Variants in MBOAT1 observed in about 807,000 individuals in gnomAD.
The protein encoded by MBOAT1 is membrane bound glycerophospholipid O-acyltransferase 1, also known as membrane-bound glycerophospholipid O-acyltransferase 1.
Under a neutral mutation model 64.4 loss-of-function variants are expected in MBOAT1, and 67 were observed. That is an observed-to-expected ratio of 1.04 (90% CI 0.85 to 1.27). The LOEUF (loss-of-function observed/expected upper bound fraction) is 1.27. MBOAT1 is among the 50% of genes most tolerant of loss of function. The pLI, the probability that MBOAT1 is intolerant of heterozygous loss-of-function variation, is 0.00. For synonymous variants in MBOAT1, 229 were observed against 218.9 expected (o/e 1.05, Z -0.41); for missense variants, 563 against 604.6 (o/e 0.93, Z 0.72).
intron 8 of MBOAT1, 151 bp downstream of exon 8, chr6:20,124,257 A>T: frequency 1.5e-6 from 1 of 664,628 alleles, no homozygotes; most frequent in Non-Finnish European, 2.5e-6. Context: ...GAGGAGTGCT[A>T]TGTTGGTACG....
chr6:20,205,952 C>T lies in MBOAT1; in HGVS notation c.99+6184G>A, dbSNP rs142054232. Among the ~76,000 whole-genome samples, 216 of 152,234 alleles carry T rather than the reference C, an allele frequency of 1.4e-3. 1 individual carries two copies. Among genetic ancestry groups the T allele is most frequent in the Non-Finnish European group, 1.8e-3 (119 of 67,994 alleles). ...CCAACTCCTCCCCAACCCTCACTCG[C>T]GGCTCGCAAGCTCCACTTCTCAACT... On this transcript the variant is annotated intron_variant, in intron 1 of 12. Coordinates refer to ENST00000324607, the MANE Select transcript of MBOAT1 (RefSeq NM_001080480.3).
intron 1 of MBOAT1, among the ~76,000 whole-genome samples, chr6:20,163,618 C>A (rs1399599358): frequency 6.6e-6 from 1 of 152,146 alleles, no homozygotes; most frequent in Non-Finnish European, 1.5e-5. Context: ...TCAGGCACAA[C>A]CTTCTCGCAT....
At chr6:20,185,059 G>A (rs1762612668) in intron 1 of MBOAT1, among the ~76,000 whole-genome samples, 1 of 151,956 alleles carries the variant, frequency 6.6e-6, no homozygotes, top group Non-Finnish European at 1.5e-5. Context: ...AGATCAGCCT[G>A]GGTAGCATAG....
chr6:20,121,002 G>T (rs776070851), intron 8 of MBOAT1, among the ~76,000 whole-genome samples: 3 of 152,192 alleles, frequency 2.0e-5, no homozygotes, highest in Non-Finnish European at 4.4e-5. Flanking sequence ...GGACTATGTG[G>T]TCCTCAGAAA....
intron 1 of MBOAT1, among the ~76,000 whole-genome samples, chr6:20,189,100 C>G (rs987845806): frequency 6.6e-6 from 1 of 152,108 alleles, no homozygotes; most frequent in Non-Finnish European, 1.5e-5. Flanking sequence ...TGGTGATCAC[C>G]TTTTCAGAAT....
At chr6:20,168,635 A>AGAGGAGAGGAGAGGAGAGGAGAGGAGAG (rs1762095820) in intron 1 of MBOAT1, among the ~76,000 whole-genome samples, 2 of 52,320 alleles carry the variant, frequency 3.8e-5, no homozygotes, top group African/African-American at 6.0e-5. Flanking sequence ...AGAGAAGAGA[A>AGAGGAGAGGAGAGGAGAGGAGAGGAGAG]GAGAAGAGAG....
At chr6:20,186,112 G>C (rs1049503140) in intron 1 of MBOAT1, among the ~76,000 whole-genome samples, 16 of 152,192 alleles carry the variant, frequency 1.1e-4, no homozygotes, top group African/African-American at 3.1e-4. Context: ...GAGCCTAGGA[G>C]CTTGAGGCTG....
At chr6:20,168,502 A>AGAGAGAGAAGAGAG (rs1762076962) in intron 1 of MBOAT1, among the ~76,000 whole-genome samples, 1 of 92,838 alleles carries the variant, frequency 1.1e-5, no homozygotes, top group African/African-American at 5.6e-5. Flanking sequence ...AGAGAGAGAG[A>AGAGAGAGAAGAGAG]GAGAGGAGAG....
At chr6:20,156,130 G>A (rs1179056861) in intron 1 of MBOAT1, among the ~76,000 whole-genome samples, 1 of 151,992 alleles carries the variant, frequency 6.6e-6, no homozygotes, top group Non-Finnish European at 1.5e-5. Context: ...AATTAGCCGG[G>A]CGTGGTGGTG....
chr6:20,143,138 G>A (rs991435085), intron 4 of MBOAT1, among the ~76,000 whole-genome samples: 1 of 152,198 alleles, frequency 6.6e-6, no homozygotes, highest in Non-Finnish European at 1.5e-5. Flanking sequence ...CAGGCTGCCT[G>A]CAGAGAACAC....
chr6:20,152,331 AAAAAAAATAAAAAAT>A (rs1156261437), intron 2 of MBOAT1, among the ~76,000 whole-genome samples: 1 of 128,686 alleles, frequency 7.8e-6, no homozygotes, highest in African/African-American at 3.2e-5. Flanking sequence ...CGTCTCAAAA[AAAAAAAATAAAAAAT>A]AAATAAATAA....
intron 1 of MBOAT1, among the ~76,000 whole-genome samples, chr6:20,189,838 T>A (rs1436596363): frequency 6.6e-6 from 1 of 152,164 alleles, no homozygotes; most frequent in East Asian, 1.9e-4. Flanking sequence ...CCCAGGTTCA[T>A]CCATGTTGTA....
chr6:20,147,471 C>A (rs1761360306), intron 3 of MBOAT1, among the ~76,000 whole-genome samples: 1 of 152,186 alleles, frequency 6.6e-6, no homozygotes, highest in Non-Finnish European at 1.5e-5. Flanking sequence ...GAAACCCTGT[C>A]TCTACTAAAA....
intron 1 of MBOAT1, among the ~76,000 whole-genome samples, chr6:20,166,171 T>C (rs913111122): frequency 1.3e-5 from 2 of 152,216 alleles, no homozygotes; most frequent in Admixed American, 6.5e-5. Context: ...AACCATGGTA[T>C]AAAAACTACA....
At chr6:20,112,676 C>A (rs994121479) in intron 11 of MBOAT1, among the ~76,000 whole-genome samples, 200 bp downstream of exon 11, 3 of 152,118 alleles carry the variant, frequency 2.0e-5, no homozygotes, top group Non-Finnish European at 4.4e-5. Context: ...CAATGGTTAA[C>A]CATTTTTGTA....
intron 8 of MBOAT1, among the ~76,000 whole-genome samples, chr6:20,121,092 A>C (rs1352362542): frequency 6.6e-6 from 1 of 152,226 alleles, no homozygotes; most frequent in Non-Finnish European, 1.5e-5. Flanking sequence ...ACCATACACT[A>C]AGTCCAAAAG....
intron 9 of MBOAT1, among the ~76,000 whole-genome samples, chr6:20,117,187 C>A (rs892659596): frequency 3.3e-5 from 5 of 152,126 alleles, no homozygotes; most frequent in African/African-American, 1.2e-4. Flanking sequence ...TGGACCTTGC[C>A]CATGCTCCTA....
chr6:20,141,368 T>TC (rs1761172136), intron 4 of MBOAT1, among the ~76,000 whole-genome samples: 1 of 143,226 alleles, frequency 7.0e-6, no homozygotes. Flanking sequence ...TCTTTTTTTT[T>TC]TTTTTTTTTT....
chr6:20,178,283 G>A (rs920279066), intron 1 of MBOAT1, among the ~76,000 whole-genome samples: 3 of 151,982 alleles, frequency 2.0e-5, no homozygotes, highest in Non-Finnish European at 2.9e-5. Flanking sequence ...AAGTATAAGC[G>A]GAAGTCACTT....
Sources: allele counts gnomAD v4.1 joint callset (sites outside exome capture counted in the v4.1 genomes callset), GRCh38; gene constraint gnomAD v4.1.1; transcripts MANE v1.5; gene names NCBI Gene and HGNC (gene_info 2026-07-23, HGNC 2026-07-21).